Variants in SGPP2 observed in about 807,000 individuals in gnomAD.
The protein encoded by SGPP2 is sphingosine-1-phosphate phosphatase 2.
SGPP2 carries 30 observed loss-of-function variants against 33.9 expected under a neutral mutation model. The observed-to-expected ratio is 0.89, with a 90% CI of 0.66 to 1.20. SGPP2 has a LOEUF of 1.20. SGPP2 is among the 50% of genes most tolerant of loss of function. SGPP2 has a pLI of 0.00. For missense variants in SGPP2, 458 were observed against 532.1 expected (o/e 0.86, Z 1.37); for synonymous variants, 233 against 225.0 (o/e 1.04, Z -0.32).
intron 1 of SGPP2, among the ~76,000 whole-genome samples, chr2:222,431,154 TC>T (rs1267946651): frequency 6.7e-6 from 1 of 149,432 alleles, no homozygotes. Context: ...TTGTGTATTA[TC>T]TTTTCAATCT....
At chr2:222,499,266 A>T (rs1187713825) in intron 2 of SGPP2, among the ~76,000 whole-genome samples, 1 of 152,220 alleles carries the variant, frequency 6.6e-6, no homozygotes, top group African/African-American at 2.4e-5. Context: ...TGGGGAGGTT[A>T]TGTGAAGGTT....
chr2:222,468,765 G>A (rs1469051685), intron 1 of SGPP2, among the ~76,000 whole-genome samples: 1 of 152,200 alleles, frequency 6.6e-6, no homozygotes, highest in Non-Finnish European at 1.5e-5. Flanking sequence ...CTTCCACCAT[G>A]CAGTCAATCT....
chr2:222,436,934 G>A (rs1011674552), intron 1 of SGPP2, among the ~76,000 whole-genome samples: 1 of 152,208 alleles, frequency 6.6e-6, no homozygotes, highest in African/African-American at 2.4e-5. Context: ...GTGAGTGGAA[G>A]TCCGTGTTCC....
intron 2 of SGPP2, among the ~76,000 whole-genome samples, chr2:222,480,125 T>C (rs962685419): frequency 1.1e-4 from 16 of 152,212 alleles, no homozygotes; most frequent in African/African-American, 3.6e-4. Flanking sequence ...CATTTTGGCA[T>C]GGTGACAGAC....
At chr2:222,553,304 C>T (rs536178520) in intron 4 of SGPP2, among the ~76,000 whole-genome samples, 1 of 152,254 alleles carries the variant, frequency 6.6e-6, no homozygotes, top group Admixed American at 6.5e-5. Context: ...GTGTGCTGTA[C>T]ATAAAACAAA....
intron 1 of SGPP2, among the ~76,000 whole-genome samples, chr2:222,459,532 A>G (rs1000363730): frequency 2.0e-5 from 3 of 152,060 alleles, no homozygotes; most frequent in Non-Finnish European, 1.5e-5. Context: ...ATTTCAGACA[A>G]TGAATTGGTT....
At chr2:222,428,785 CTTTT>C (rs58239129) in intron 1 of SGPP2, among the ~76,000 whole-genome samples, 6 of 75,334 alleles carry the variant, frequency 8.0e-5, no homozygotes, top group Admixed American at 1.8e-4. Context: ...ACATGGTTTT[CTTTT>C]TTTTTTTTTT....
At chr2:222,505,453 T>C (rs957890001) in intron 2 of SGPP2, among the ~76,000 whole-genome samples, 1 of 152,162 alleles carries the variant, frequency 6.6e-6, no homozygotes, top group Non-Finnish European at 1.5e-5. Flanking sequence ...TTTTTAAAAA[T>C]AAATATATTG....
chr2:222,432,335 C>A (rs1390275455), intron 1 of SGPP2, among the ~76,000 whole-genome samples: 3 of 152,162 alleles, frequency 2.0e-5, no homozygotes, highest in African/African-American at 7.2e-5. Context: ...GTCACTCTCA[C>A]CCACAGATGA....
chr2:222,521,653 G>A, intron 2 of SGPP2, 114 bp from the exon 3 acceptor site: 1 of 1,113,948 alleles, frequency 9.0e-7, no homozygotes, highest in Non-Finnish European at 1.3e-6. Flanking sequence ...GCTGGTCAGA[G>A]AGAAAGGAGC....
In SGPP2 at chr2:222,445,790, T is replaced by A. The variant is rs1697390094; in HGVS notation, c.219+20969T>A. ...CCCCGAAGGCTTAGATGTCCTCTCCTCTGAATCCTCCCAATGCCAGGCTTA... is the reference window on the plus strand; with the variant it reads ...CCCCGAAGGCTTAGATGTCCTCTCCACTGAATCCTCCCAATGCCAGGCTTA... On this transcript the variant is annotated intron_variant, in intron 1 of 4. Transcript: ENST00000321276. Among the ~76,000 whole-genome samples, 3 of 152,320 alleles carry A rather than the reference T, an allele frequency of 2.0e-5. No individual in the cohort carries two copies. The South Asian group carries it at 6.2e-4, about 32-fold the overall frequency.
intron 4 of SGPP2, among the ~76,000 whole-genome samples, chr2:222,557,748 A>G (rs995880249): frequency 1.3e-5 from 2 of 152,222 alleles, no homozygotes; most frequent in Admixed American, 6.5e-5. Context: ...ACAACTGCTC[A>G]ATGAAATTGT....
At chr2:222,488,145 C>T (rs771949888) in intron 2 of SGPP2, among the ~76,000 whole-genome samples, 9 of 152,182 alleles carry the variant, frequency 5.9e-5, no homozygotes, top group Non-Finnish European at 1.2e-4. Context: ...ACATAACTGA[C>T]TGGGTTGGTT....
chr2:222,452,765 G>A, intron 1 of SGPP2: 1 of 1,468,650 alleles, frequency 6.8e-7, no homozygotes, highest in Non-Finnish European at 9.5e-7. Context: ...ATTCCTGGTG[G>A]TAAGAAGAGT....
chr2:222,456,723 A>G (rs1697579383), intron 1 of SGPP2, among the ~76,000 whole-genome samples: 1 of 152,220 alleles, frequency 6.6e-6, no homozygotes, highest in Non-Finnish European at 1.5e-5. Flanking sequence ...CTGGTTGTCA[A>G]CACATGGGTG....
chr2:222,453,021 T>C (rs1697516045), intron 1 of SGPP2: 1 of 1,579,994 alleles, frequency 6.3e-7, no homozygotes, highest in Admixed American at 1.7e-5. Flanking sequence ...GGTCTTCTGT[T>C]TCTTGACTGG....
intron 1 of SGPP2, among the ~76,000 whole-genome samples, chr2:222,427,635 C>T (rs1012075392): frequency 1.3e-5 from 2 of 152,058 alleles, no homozygotes; most frequent in East Asian, 1.9e-4. Flanking sequence ...GTGATTTTTC[C>T]GCATAGCCTA....
intron 2 of SGPP2, among the ~76,000 whole-genome samples, chr2:222,487,390 A>C (rs948427528): frequency 4.6e-5 from 7 of 152,206 alleles, no homozygotes; most frequent in African/African-American, 1.7e-4. Flanking sequence ...TAACTAACAA[A>C]TTGACATTTC....
chr2:222,471,781 C>T (rs1032166965), intron 1 of SGPP2, among the ~76,000 whole-genome samples: 2 of 152,004 alleles, frequency 1.3e-5, no homozygotes, highest in African/African-American at 4.8e-5. Context: ...CTTTTTCTCT[C>T]CTATTTTAGT....
Sources: gnomAD v4.1 joint callset for allele counts (sites outside exome capture counted in the v4.1 genomes callset) on GRCh38, gnomAD v4.1.1 for gene constraint, MANE v1.5 for transcripts, NCBI Gene and HGNC (gene_info 2026-07-23, HGNC 2026-07-21) for gene names.